Variants in FGF1 observed in about 807,000 individuals in gnomAD.
The protein encoded by FGF1 is beta-endothelial cell growth factor.
Under a neutral mutation model 13.4 loss-of-function variants are expected in FGF1, and 9 were observed. The observed-to-expected ratio is 0.67, with a 90% CI of 0.40 to 1.17. FGF1 has a LOEUF of 1.17. Among genes scored for constraint, FGF1 ranks in the 50% most tolerant of loss-of-function variants. The pLI, the probability that FGF1 is intolerant of heterozygous loss-of-function variation, is 0.01. For missense variants in FGF1, 156 were observed against 192.7 expected, an observed-to-expected ratio of 0.81 and a Z score of 1.13; for synonymous variants, 93 against 79.0, an observed-to-expected ratio of 1.18 and a Z score of -0.94.
rs1044577983 is a variant in FGF1, at chr5:142,593,000, A to G, written c.*2290T>C. 1 of 152,278 alleles carries G rather than the reference A, an allele frequency of 6.6e-6. No homozygotes were observed. Among genetic ancestry groups the G allele is most frequent in the Non-Finnish European group, 1.5e-5 (1 of 68,072 alleles). The allele number at this position is 152,278 out of a possible 1,614,324, so 9.4% of individuals were successfully genotyped here. A position where few individuals can be genotyped will look rare whatever the true frequency, so the allele number is the denominator to read the frequency against. On this transcript the variant is annotated 3_prime_UTR_variant, in exon 4 of 4. Transcript: ENST00000337706. ...CAGTATCCAGTACAGTGCCTAGCAC[A>G]CAGTAGGCACCTTAATAGTCATTGA...
upstream of FGF1, among the ~76,000 whole-genome samples, chr5:142,689,178 T>C (rs1751734964): frequency 6.6e-6 from 1 of 152,228 alleles, no homozygotes; most frequent in Admixed American, 6.5e-5. Context: ...GATACAGTTA[T>C]GTGAAACACA....
At chr5:142,673,689 C>T (rs923470768) in intron 1 of FGF1, among the ~76,000 whole-genome samples, 2 of 152,194 alleles carry the variant, frequency 1.3e-5, no homozygotes, top group African/African-American at 2.4e-5. Context: ...CTACATGACT[C>T]GGTAGCCCCC....
intron 2 of FGF1, among the ~76,000 whole-genome samples, chr5:142,603,976 T>C (rs984673159): frequency 6.6e-6 from 1 of 152,118 alleles, no homozygotes; most frequent in Non-Finnish European, 1.5e-5. Flanking sequence ...CACAGATGAG[T>C]CTGGAAACAG....
At position 142,595,477 on chromosome 5, in the gene FGF1, G is replaced by A; in HGVS notation, c.281C>T (p.Pro94Leu). 1 of 1,612,962 alleles carries A rather than the reference G, an allele frequency of 6.2e-7. No homozygotes were observed. The highest frequency in any genetic ancestry group is 1.1e-5 in the South Asian group (1 of 90,880). Residue 94 changes from proline to leucine, a missense_variant, in exon 4 of 4, where the codon CCA (proline) becomes CTA (leucine). By Grantham distance (98) the Pro-to-Leu change is moderately conservative. Coordinates refer to ENST00000337706, the MANE Select transcript of FGF1 (RefSeq NM_000800.5). ...TDGLLYGSQT[P>L]NEECLFLERL... The stretch of plus-strand genomic sequence containing the variant: ...TTCCAGGAACAAACATTCCTCATTT[G>A]GTGTCTGCTAAAAAGATAAAACCAA...
chr5:142,614,281 G>T, intron 1 of FGF1, 120 bp from the exon 2 acceptor site: 1 of 729,738 alleles, frequency 1.4e-6, no homozygotes, highest in Non-Finnish European at 2.2e-6. Context: ...AGCACAGCCT[G>T]CCCAGGTGAT....
In FGF1 at chr5:142,666,279, T is replaced by TACACACACAC. The variant is rs70991775; in HGVS notation, c.-35+19668_-35+19677dup. 3.8e-3 allele frequency among the ~76,000 whole-genome samples: 241 copies of TACACACACAC among 62,604 alleles called. 7 individuals are homozygous for TACACACACAC. The highest frequency in any genetic ancestry group is 0.01 in the African/African-American group (155 of 15,388). 41.1% of individuals were successfully genotyped at this position (62,604 alleles called of 152,430 possible). ...CTCTAATGGTCTAAGGAGCATGTAA[T>TACACACACAC]ACACACACACACACACACACACACA... On this transcript the variant is annotated intron_variant, in intron 1 of 3. Coordinates refer to ENST00000337706, the MANE Select transcript of FGF1 (RefSeq NM_000800.5).
chr5:142,651,896 A>G (rs977453314), intron 1 of FGF1, among the ~76,000 whole-genome samples: 1 of 151,584 alleles, frequency 6.6e-6, no homozygotes, highest in African/African-American at 2.4e-5. Flanking sequence ...CCAGCCTCAA[A>G]TTTCTGGGCT....
At chr5:142,609,637 G>A (rs186341639) in intron 2 of FGF1, among the ~76,000 whole-genome samples, 26 of 152,298 alleles carry the variant, frequency 1.7e-4, no homozygotes, top group African/African-American at 5.8e-4. Context: ...TCAGTTCTGC[G>A]AGCAAGCATA....
At chr5:142,641,097 G>A (rs1173347339) in intron 1 of FGF1, among the ~76,000 whole-genome samples, 1 of 152,086 alleles carries the variant, frequency 6.6e-6, no homozygotes, top group Non-Finnish European at 1.5e-5. Flanking sequence ...CCACACTTAG[G>A]TGGTTCTTCT....
upstream of FGF1, among the ~76,000 whole-genome samples, chr5:142,688,068 T>TG (rs1751548631): frequency 6.6e-6 from 1 of 152,208 alleles, no homozygotes; most frequent in African/African-American, 2.4e-5. Flanking sequence ...TATGTCCAGT[T>TG]GTGAAACCCT....
chr5:142,648,166 G>C (rs116579030), intron 1 of FGF1, among the ~76,000 whole-genome samples: 255 of 152,222 alleles, frequency 1.7e-3, no homozygotes, highest in African/African-American at 5.9e-3. Flanking sequence ...TTCTCAGCTT[G>C]TACTGTGTTC....
Position 142,595,216 on chromosome 5 carries a change from G to T in FGF1, c.*74C>A. 2 of 1,306,834 alleles carry T rather than the reference G, an allele frequency of 1.5e-6. No individual in the cohort carries two copies. The highest frequency in any genetic ancestry group is 2.1e-6 in the Non-Finnish European group (2 of 935,334). The allele number at this position is 1,306,834 out of a possible 1,614,324, so 81.0% of individuals were successfully genotyped here. On this transcript the variant is annotated 3_prime_UTR_variant, in exon 4 of 4. Transcript: ENST00000337706. ...GGGTTAGCGCAGCCAATGGTCAAGG[G>T]AACATTTTTGGGTCAACCAGGTGAG...
intron 1 of FGF1, among the ~76,000 whole-genome samples, chr5:142,637,342 CAG>C (rs1764437901): frequency 1.4e-5 from 2 of 143,636 alleles, no homozygotes; most frequent in African/African-American, 2.6e-5. Flanking sequence ...TTTTTTGAGA[CAG>C]AGTCTTGCTC....
At chr5:142,595,579 T>G (rs1261375108) in intron 3 of FGF1, 95 bp from the exon 4 acceptor site, 5 of 1,000,108 alleles carry the variant, frequency 5.0e-6, no homozygotes, top group Non-Finnish European at 7.5e-6. Flanking sequence ...GGCAAAATAC[T>G]AAAGCTCTCC....
chr5:142,640,426 TG>T (rs771167178), intron 1 of FGF1, among the ~76,000 whole-genome samples: 2,236 of 70,820 alleles, frequency 0.032, 126 homozygotes, highest in Admixed American at 0.11. Context: ...TGGAGTATGG[TG>T]GGGGGGGGGG....
intron 2 of FGF1, among the ~76,000 whole-genome samples, chr5:142,696,161 T>G (rs758207118): frequency 2.6e-5 from 4 of 152,008 alleles, no homozygotes; most frequent in Non-Finnish European, 4.4e-5. Context: ...TGCCATGGAG[T>G]CTTTTAGTCA....
chr5:142,690,467 A>G (rs186412397), upstream of FGF1, among the ~76,000 whole-genome samples: 97 of 152,372 alleles, frequency 6.4e-4, 1 homozygote, highest in East Asian at 2.7e-3. Flanking sequence ...GATAACCACT[A>G]TTCACTTTGA....
chr5:142,604,920 C>T (rs1757316409), intron 2 of FGF1, among the ~76,000 whole-genome samples: 1 of 152,130 alleles, frequency 6.6e-6, no homozygotes. Flanking sequence ...CACACATGGA[C>T]AAGATGGTGG....
intron 2 of FGF1, among the ~76,000 whole-genome samples, chr5:142,697,185 T>G (rs1407813660): frequency 6.6e-6 from 1 of 152,154 alleles, no homozygotes; most frequent in Non-Finnish European, 1.5e-5. Flanking sequence ...AGGCTCTGCA[T>G]GTCTCATTTT....
Sources: allele counts gnomAD v4.1 joint callset (sites outside exome capture counted in the v4.1 genomes callset), GRCh38; gene constraint gnomAD v4.1.1; transcripts MANE v1.5; gene names NCBI Gene and HGNC (gene_info 2026-07-23, HGNC 2026-07-21).